CLEC2A: variants seen among roughly 807,000 people sequenced by gnomAD.
The protein encoded by CLEC2A is C-type lectin domain family 2 member A.
CLEC2A carries 19 observed loss-of-function variants against 18.6 expected under a neutral mutation model. The observed-to-expected ratio is 1.02, with a 90% CI of 0.71 to 1.50. The LOEUF is 1.50. Ranked by LOEUF, CLEC2A falls within the 40% of genes most tolerant of loss-of-function variation. The probability of loss-of-function intolerance (pLI) is 0.00; values close to 1 mark genes in which losing one functional copy is unlikely to be tolerated. For missense variants in CLEC2A, 190 were observed against 207.9 expected (o/e 0.91, Z 0.53); for synonymous variants, 74 against 64.0 (o/e 1.16, Z -0.75).
chr12:9,916,663 C>G (rs1863076482), intron 4 of CLEC2A, 37 bp downstream of exon 4: 1 of 1,258,332 alleles, frequency 7.9e-7, no homozygotes, highest in Non-Finnish European at 1.1e-6. Context: ...ATATGACACA[C>G]CAGAATAAGA....
chr12:9,882,915 T>C, the CLEC2A span, among the ~76,000 whole-genome samples: 3 of 152,262 alleles, frequency 2.0e-5, no homozygotes, highest in African/African-American at 7.2e-5. Context: ...GATGCTTTTA[T>C]GTGGATGTTA....
intron 4 of CLEC2A, among the ~76,000 whole-genome samples, chr12:9,903,231 T>C (rs189341000): frequency 7.9e-5 from 12 of 152,306 alleles, no homozygotes; most frequent in African/African-American, 2.9e-4. Context: ...TAATTTGGCT[T>C]TGCTGTTCTT....
chr12:9,892,489 A>AGG, the CLEC2A span, among the ~76,000 whole-genome samples: 4 of 151,932 alleles, frequency 2.6e-5, no homozygotes, highest in Admixed American at 2.6e-4. Context: ...CAGAATTCAC[A>AGG]GGCTTTGTTC....
downstream of CLEC2A, chr12:9,895,688 G>C (rs747631350): frequency 2.0e-6 from 3 of 1,524,860 alleles, no homozygotes; most frequent in Admixed American, 2.1e-5. Context: ...TTGTCTCTTA[G>C]GTTTTCAGTG....
chr12:9,926,680 C>G (rs1002647230), intron 1 of CLEC2A, among the ~76,000 whole-genome samples: 1 of 151,780 alleles, frequency 6.6e-6, no homozygotes, highest in Non-Finnish European at 1.5e-5. Context: ...ATCAAAAGGT[C>G]CACGATTAGA....
the CLEC2A span, among the ~76,000 whole-genome samples, chr12:9,890,544 T>C: frequency 6.6e-6 from 1 of 152,214 alleles, no homozygotes; most frequent in South Asian, 2.1e-4. Context: ...CGTGTCACTC[T>C]TGTACACCCT....
chr12:9,886,815 T>C, the CLEC2A span, among the ~76,000 whole-genome samples: 1 of 143,348 alleles, frequency 7.0e-6, no homozygotes, highest in Admixed American at 7.0e-5. Context: ...GTGAGATATA[T>C]AGATAGAGCC....
chr12:9,891,644 A>T, the CLEC2A span, among the ~76,000 whole-genome samples: 22,350 of 152,182 alleles, frequency 0.15, 2,784 homozygotes, highest in East Asian at 0.34. Flanking sequence ...AACTGAAATT[A>T]CAATTTAGTT....
the CLEC2A span, among the ~76,000 whole-genome samples, chr12:9,888,095 T>TAA: frequency 1.3e-5 from 1 of 74,530 alleles, no homozygotes; most frequent in African/African-American, 6.3e-5. Context: ...GTAATAAAAA[T>TAA]GAAAAAAAAA....
At chr12:9,887,031 A>G in the CLEC2A span, among the ~76,000 whole-genome samples, 3 of 152,298 alleles carry the variant, frequency 2.0e-5, no homozygotes, top group African/African-American at 4.8e-5. Flanking sequence ...ACATAAATAA[A>G]TATAAGAGGA....
At chr12:9,899,409 G>T (rs538938443) in intron 4 of CLEC2A, among the ~76,000 whole-genome samples, 1 of 152,286 alleles carries the variant, frequency 6.6e-6, no homozygotes, top group South Asian at 2.1e-4. Context: ...GAAAAAGAAG[G>T]CATTTTTAAA....
At chr12:9,924,113 T>A (rs1863223330) in intron 2 of CLEC2A, among the ~76,000 whole-genome samples, 1 of 151,916 alleles carries the variant, frequency 6.6e-6, no homozygotes, top group Non-Finnish European at 1.5e-5. Flanking sequence ...ACTTAAAGTA[T>A]AATAATAAAA....
At chr12:9,902,788 G>A (rs1221006168) in intron 4 of CLEC2A, among the ~76,000 whole-genome samples, 1 of 152,198 alleles carries the variant, frequency 6.6e-6, no homozygotes, top group African/African-American at 2.4e-5. Flanking sequence ...ACTGAACAAA[G>A]GAGAGTAAGG....
At chr12:9,904,757 A>AAT (rs1862883329) in intron 4 of CLEC2A, among the ~76,000 whole-genome samples, 1 of 152,164 alleles carries the variant, frequency 6.6e-6, no homozygotes, top group South Asian at 2.1e-4. Flanking sequence ...TATAATTAGC[A>AAT]ATAAGGGGTT....
intron 1 of CLEC2A, among the ~76,000 whole-genome samples, chr12:9,929,689 A>T (rs577275433): frequency 1.3e-5 from 2 of 152,258 alleles, no homozygotes; most frequent in East Asian, 3.9e-4. Flanking sequence ...TTCTAATTTC[A>T]TAAGAAGATG....
the CLEC2A span, among the ~76,000 whole-genome samples, chr12:9,877,963 C>T: frequency 6.6e-6 from 1 of 152,072 alleles, no homozygotes; most frequent in Non-Finnish European, 1.5e-5. Flanking sequence ...GTTGTCTAAA[C>T]ACAATGAAAA....
chr12:9,888,273 G>A, the CLEC2A span, among the ~76,000 whole-genome samples: 1 of 151,704 alleles, frequency 6.6e-6, no homozygotes, highest in African/African-American at 2.4e-5. Flanking sequence ...GGCGGATCAC[G>A]AGGTCAGGAG....
the CLEC2A span, among the ~76,000 whole-genome samples, chr12:9,878,678 G>C: frequency 6.6e-6 from 1 of 152,182 alleles, no homozygotes; most frequent in Non-Finnish European, 1.5e-5. Context: ...AGAAGGTAAA[G>C]GGAAGAGAAG....
At chr12:9,902,524 C>A (rs570665461) in intron 4 of CLEC2A, among the ~76,000 whole-genome samples, 1 of 152,016 alleles carries the variant, frequency 6.6e-6, no homozygotes, top group Non-Finnish European at 1.5e-5. Context: ...TGAGCCACTG[C>A]GCCCAGCTGG....
Sources: allele counts gnomAD v4.1 joint callset (sites outside exome capture counted in the v4.1 genomes callset), GRCh38; gene constraint gnomAD v4.1.1; transcripts MANE v1.5; gene names NCBI Gene and HGNC (gene_info 2026-07-23, HGNC 2026-07-21).